ZMAT4: variants seen among roughly 807,000 people sequenced by gnomAD.
ZMAT4 encodes zinc finger matrin-type 4.
A neutral mutation model predicts 28.7 loss-of-function variants in ZMAT4; 17 were observed. The observed-to-expected ratio is 0.59, with a 90% CI of 0.41 to 0.89. ZMAT4 has a LOEUF of 0.89. ZMAT4 is among the 40% of genes least tolerant of loss of function. The pLI is 0.00. For missense variants in ZMAT4, 240 were observed against 283.8 expected, an observed-to-expected ratio of 0.85 and a Z score of 1.11; for synonymous variants, 117 against 109.2, an observed-to-expected ratio of 1.07 and a Z score of -0.44.
intron 3 of ZMAT4, among the ~76,000 whole-genome samples, chr8:40,714,503 A>G (rs1384519500): frequency 2.0e-5 from 3 of 152,228 alleles, no homozygotes; most frequent in Admixed American, 6.5e-5. Context: ...AATATGGAAT[A>G]TAATTTATGA....
intron 3 of ZMAT4, among the ~76,000 whole-genome samples, chr8:40,698,563 A>G (rs565116544): frequency 1.5e-4 from 23 of 152,326 alleles, no homozygotes; most frequent in African/African-American, 5.5e-4. Context: ...CCCAGACAGT[A>G]CAATTTAAAA....
chr8:40,854,322 C>T (rs1817219892), intron 1 of ZMAT4, among the ~76,000 whole-genome samples: 1 of 152,188 alleles, frequency 6.6e-6, no homozygotes, highest in Non-Finnish European at 1.5e-5. Flanking sequence ...TGAGCACTGA[C>T]TTTATGTAGA....
At chr8:40,589,033 ATTTC>A (rs1167423190) in intron 5 of ZMAT4, among the ~76,000 whole-genome samples, 1 of 152,192 alleles carries the variant, frequency 6.6e-6, no homozygotes, top group Non-Finnish European at 1.5e-5. Context: ...TTTTTGTGTA[ATTTC>A]TTTCTCTTCC....
At position 40,622,112 on chromosome 8, in the gene ZMAT4, C is replaced by T. The variant is rs114426266; in HGVS notation, c.578-40851G>A. Reference sequence around the variant, plus strand: ...ACATTCCCAATACATGAAAGCACAACGGAAAGTACAAGGGTATTTTTAATT... The same window carrying T: ...ACATTCCCAATACATGAAAGCACAATGGAAAGTACAAGGGTATTTTTAATT... On this transcript the variant is annotated intron_variant, in intron 5 of 6. Coordinates refer to ENST00000297737, the MANE Select transcript of ZMAT4 (RefSeq NM_024645.3). 9.7e-3 allele frequency among the ~76,000 whole-genome samples: 1,469 copies of T among 152,214 alleles called. 19 individuals are homozygous for T. Among genetic ancestry groups the T allele is most frequent in the African/African-American group, 0.032 (1,324 of 41,522 alleles).
chr8:40,747,385 A>G (rs1286061783), intron 3 of ZMAT4, among the ~76,000 whole-genome samples: 1 of 152,120 alleles, frequency 6.6e-6, no homozygotes, highest in African/African-American at 2.4e-5. Context: ...ATAGATTTCT[A>G]TTTTATTTCT....
At chr8:40,597,705 T>A (rs1805151093) in intron 5 of ZMAT4, among the ~76,000 whole-genome samples, 1 of 152,194 alleles carries the variant, frequency 6.6e-6, no homozygotes, top group African/African-American at 2.4e-5. Flanking sequence ...TATCTCTGAG[T>A]TCAGAGGAGT....
At chr8:40,619,950 A>C (rs1806138354) in intron 5 of ZMAT4, among the ~76,000 whole-genome samples, 2 of 152,318 alleles carry the variant, frequency 1.3e-5, no homozygotes, top group Admixed American at 1.3e-4. Context: ...AAGACACTTC[A>C]ATTTAGTTTC....
At chr8:40,824,107 G>C (rs1815931807) in intron 2 of ZMAT4, among the ~76,000 whole-genome samples, 1 of 152,086 alleles carries the variant, frequency 6.6e-6, no homozygotes, top group Non-Finnish European at 1.5e-5. Context: ...TATTTTTATT[G>C]TGCACAGAGG....
intron 3 of ZMAT4, among the ~76,000 whole-genome samples, chr8:40,715,759 T>C (rs145785429): frequency 1.7e-3 from 263 of 152,326 alleles, no homozygotes; most frequent in African/African-American, 6.1e-3. Flanking sequence ...TGTCTCTAGT[T>C]GGCACTGCCA....
chr8:40,670,563 T>C (rs577860615), intron 5 of ZMAT4, among the ~76,000 whole-genome samples: 47 of 152,288 alleles, frequency 3.1e-4, no homozygotes, highest in African/African-American at 1.1e-3. Flanking sequence ...GCCTGCTCAT[T>C]GAAGGGCTTA....
At chr8:40,640,454 A>G (rs972318485) in intron 5 of ZMAT4, among the ~76,000 whole-genome samples, 1 of 152,168 alleles carries the variant, frequency 6.6e-6, no homozygotes, top group Non-Finnish European at 1.5e-5. Context: ...ACCTCTCTGC[A>G]TTGTTCTCAT....
chr8:40,799,170 AAT>A (rs1298229386), intron 2 of ZMAT4, among the ~76,000 whole-genome samples: 2 of 104,768 alleles, frequency 1.9e-5, no homozygotes, highest in Non-Finnish European at 4.1e-5. Flanking sequence ...TGGATGGATG[AAT>A]AGAGAGAGAG....
intron 5 of ZMAT4, among the ~76,000 whole-genome samples, chr8:40,670,375 A>G (rs1029430698): frequency 6.6e-6 from 1 of 152,230 alleles, no homozygotes; most frequent in African/African-American, 2.4e-5. Flanking sequence ...CATACTGTAC[A>G]CAAAAATTAA....
intron 5 of ZMAT4, among the ~76,000 whole-genome samples, chr8:40,616,121 C>T (rs1310391416): frequency 6.6e-6 from 1 of 152,164 alleles, no homozygotes; most frequent in African/African-American, 2.4e-5. Context: ...ATGCAGTCAA[C>T]AGACGCATGA....
chr8:40,896,063 C>A (rs1014270391), intron 1 of ZMAT4, among the ~76,000 whole-genome samples: 10 of 138,666 alleles, frequency 7.2e-5, no homozygotes, highest in African/African-American at 1.2e-4. Flanking sequence ...TATTTTGACA[C>A]CCCCCCCAAA....
chr8:40,860,024 G>A (rs1281592959), intron 1 of ZMAT4, among the ~76,000 whole-genome samples: 1 of 152,162 alleles, frequency 6.6e-6, no homozygotes, highest in Non-Finnish European at 1.5e-5. Context: ...GATTCCGTGT[G>A]GCCAGACCCA....
At chr8:40,589,979 T>TCCTC (rs1804830585) in intron 5 of ZMAT4, among the ~76,000 whole-genome samples, 1 of 55,516 alleles carries the variant, frequency 1.8e-5, no homozygotes, top group African/African-American at 6.2e-5. Flanking sequence ...CTCCCTTCCT[T>TCCTC]CCTTCCTTCC....
chr8:40,767,365 A>C (rs577587496), intron 3 of ZMAT4, among the ~76,000 whole-genome samples: 14 of 152,186 alleles, frequency 9.2e-5, no homozygotes, highest in African/African-American at 3.4e-4. Context: ...CCCCTTACCC[A>C]GCCTTGCTCT....
intron 2 of ZMAT4, among the ~76,000 whole-genome samples, chr8:40,768,455 G>C (rs1813251839): frequency 6.6e-6 from 1 of 152,160 alleles, no homozygotes; most frequent in South Asian, 2.1e-4. Context: ...GCTCAACTGA[G>C]AGTTTCATCC....
Sources: allele counts gnomAD v4.1 joint callset (sites outside exome capture counted in the v4.1 genomes callset), GRCh38; gene constraint gnomAD v4.1.1; transcripts MANE v1.5; gene names NCBI Gene and HGNC (gene_info 2026-07-23, HGNC 2026-07-21).